The following TCAIM variants were observed in gnomAD, a reference collection of about 807,000 sequenced individuals.
The protein encoded by TCAIM is T-cell activation inhibitor, mitochondrial.
A neutral mutation model predicts 58.6 loss-of-function variants in TCAIM; 36 were observed. The observed-to-expected ratio is 0.61, with a 90% confidence interval of 0.47 to 0.81. The LOEUF is 0.81. TCAIM is among the 30% of genes least tolerant of loss of function. TCAIM has a pLI of 0.00. For synonymous variants in TCAIM, 172 were observed against 193.6 expected (o/e 0.89, Z 0.93); for missense variants, 466 against 579.6 (o/e 0.80, Z 2.01).
At chr3:44,373,228 C>A (rs556004113) in intron 5 of TCAIM, among the ~76,000 whole-genome samples, 2 of 152,054 alleles carry the variant, frequency 1.3e-5, no homozygotes, top group Non-Finnish European at 2.9e-5. Context: ...CATAAAAACT[C>A]TATTTAACCC....
At chr3:44,403,273 A>G (rs1469474603) in intron 10 of TCAIM, among the ~76,000 whole-genome samples, 3 of 152,212 alleles carry the variant, frequency 2.0e-5, no homozygotes, top group African/African-American at 7.2e-5. Context: ...CGTCTCAGAA[A>G]AATAAATAAA....
At position 44,407,872 on chromosome 3, in the gene TCAIM, A is replaced by G; in HGVS notation, c.*190A>G. On this transcript the variant is annotated 3_prime_UTR_variant, in exon 11 of 11. Coordinates refer to ENST00000342649, the MANE Select transcript of TCAIM (RefSeq NM_173826.4). ...TTTTATATGCCAGGCGTGGTGGCTCATGCCTGCGGTCCCAGCTACTTAGGG... is the reference window on the plus strand; with the variant it reads ...TTTTATATGCCAGGCGTGGTGGCTCGTGCCTGCGGTCCCAGCTACTTAGGG... The G allele has an allele frequency of 1.8e-6, 1 of 561,688 alleles. No homozygotes were observed. Among genetic ancestry groups the G allele is most frequent in the Non-Finnish European group, 2.8e-6 (1 of 352,532 alleles). 34.8% of individuals were successfully genotyped at this position (561,688 alleles called of 1,614,324 possible).
intron 2 of TCAIM, 99 bp downstream of exon 2, chr3:44,354,910 A>G (rs1701162515): frequency 1.4e-6 from 2 of 1,390,242 alleles, no homozygotes; most frequent in African/African-American, 1.5e-5. Context: ...CCAATTCTGA[A>G]GTTATATTAT....
chr3:44,371,285 T>C (rs1001400127), intron 5 of TCAIM, among the ~76,000 whole-genome samples: 5 of 152,022 alleles, frequency 3.3e-5, no homozygotes, highest in African/African-American at 1.2e-4. Flanking sequence ...CTCAAACTCC[T>C]GAGCTCAAGC....
intron 2 of TCAIM, 25 bp downstream of exon 2, chr3:44,354,836 A>AT (rs781413372): frequency 6.2e-7 from 1 of 1,606,966 alleles, no homozygotes; most frequent in East Asian, 2.2e-5. Flanking sequence ...CCAATCTGTA[A>AT]TTAGTATTGT....
chr3:44,342,116 T>C (rs1349594268), intron 1 of TCAIM, among the ~76,000 whole-genome samples: 1 of 152,208 alleles, frequency 6.6e-6, no homozygotes, highest in Non-Finnish European at 1.5e-5. Flanking sequence ...AATTTTTCTT[T>C]TTTATAAAAT....
At chr3:44,350,602 GT>G (rs1288307256) in intron 1 of TCAIM, among the ~76,000 whole-genome samples, 1 of 151,718 alleles carries the variant, frequency 6.6e-6, no homozygotes, top group African/African-American at 2.4e-5. Context: ...CTACTTTTTT[GT>G]TTTTTAGAGA....
chr3:44,339,199 C>G (rs899824764), intron 1 of TCAIM, among the ~76,000 whole-genome samples: 3 of 152,112 alleles, frequency 2.0e-5, no homozygotes, highest in African/African-American at 7.2e-5. Flanking sequence ...TTCCCCTACT[C>G]TAAGAAGTTC....
At chr3:44,371,631 G>T (rs936137725) in intron 5 of TCAIM, among the ~76,000 whole-genome samples, 3 of 152,054 alleles carry the variant, frequency 2.0e-5, no homozygotes, top group Non-Finnish European at 2.9e-5. Flanking sequence ...CATCTGAAAG[G>T]TTTCATATCT....
chr3:44,382,133 A>G (rs1382194500), intron 5 of TCAIM, among the ~76,000 whole-genome samples: 1 of 152,226 alleles, frequency 6.6e-6, no homozygotes, highest in Non-Finnish European at 1.5e-5. Flanking sequence ...TCCTAAAATT[A>G]GAATTTCAGG....
chr3:44,399,797 A>G (rs1267479432), intron 8 of TCAIM, among the ~76,000 whole-genome samples: 3 of 152,200 alleles, frequency 2.0e-5, no homozygotes, highest in Admixed American at 2.0e-4. Context: ...GGCATTTAGC[A>G]TGCTAAATTC....
rs1701293624 is a variant in TCAIM, at chr3:44,361,420, A to G, written c.221A>G (p.Lys74Arg). 1 of 1,613,304 alleles carries G rather than the reference A, an allele frequency of 6.2e-7. No individual in the cohort carries two copies. Residue 74 changes from lysine to arginine, a missense_variant, in exon 4 of 11, where the codon AAA becomes AGA. Physicochemically the swap from Lys to Arg is conservative, Grantham distance 26. Transcript: ENST00000342649. Reference protein sequence around the residue: ...RLSVYLENLQKPGFKSLKPTQ... With the variant: ...RLSVYLENLQRPGFKSLKPTQ... ...AGTGTCTACCTAGAAAACCTCCAGA[A>G]ACCAGGCTTCAAGTCTTTGAAACCA...
At chr3:44,341,972 T>G (rs1292679866) in intron 1 of TCAIM, among the ~76,000 whole-genome samples, 2 of 152,206 alleles carry the variant, frequency 1.3e-5, no homozygotes, top group African/African-American at 4.8e-5. Context: ...TGTCTGTGTC[T>G]TTCCACCATT....
At position 44,370,413 on chromosome 3, in the gene TCAIM, G is replaced by A. The variant is rs184779711; in HGVS notation, c.572+2705G>A. 4.1e-3 allele frequency among the ~76,000 whole-genome samples: 587 copies of A among 144,392 alleles called. 3 individuals carry two copies. The highest frequency in any genetic ancestry group is 0.014 in the African/African-American group (557 of 38,812). 94.7% of individuals were successfully genotyped at this position (144,392 alleles called of 152,430 possible). A position where few individuals can be genotyped will look rare whatever the true frequency, so the allele number is the denominator to read the frequency against. ...GGAGGTTGCAGTGAGCCAACATCAC[G>A]CCACTGCACTCCAGCCTGGGCAACA... On this transcript the variant is annotated intron_variant, in intron 5 of 10. Coordinates refer to ENST00000342649, the MANE Select transcript of TCAIM (RefSeq NM_173826.4).
chr3:44,401,486 T>A, intron 10 of TCAIM, 152 bp downstream of exon 10: 3 of 972,554 alleles, frequency 3.1e-6, no homozygotes, highest in Non-Finnish European at 4.3e-6. Context: ...CTTCCCTACC[T>A]AAATTATATT....
At chr3:44,401,395 T>C (rs1702020263) in intron 10 of TCAIM, 61 bp downstream of exon 10, 4 of 1,594,050 alleles carry the variant, frequency 2.5e-6, no homozygotes, top group Admixed American at 1.7e-5. Context: ...ACCTCAGATA[T>C]TTGGAACTCA....
At chr3:44,389,371 G>A (rs1157028179) in intron 5 of TCAIM, among the ~76,000 whole-genome samples, 1 of 152,166 alleles carries the variant, frequency 6.6e-6, no homozygotes, top group East Asian at 1.9e-4. Flanking sequence ...CACAAATATT[G>A]TTAAGCTAGA....
chr3:44,399,604 T>C (rs1303796142), intron 8 of TCAIM, among the ~76,000 whole-genome samples: 1 of 152,176 alleles, frequency 6.6e-6, no homozygotes, highest in East Asian at 1.9e-4. Context: ...AACTCCTTAT[T>C]GTTTCCAAAC....
intron 3 of TCAIM, chr3:44,358,982 T>C: frequency 1.0e-6 from 1 of 985,106 alleles, no homozygotes; most frequent in South Asian, 4.7e-5. Context: ...AACAGAAAAA[T>C]ATTCATTAAC....
Sources: allele counts gnomAD v4.1 joint callset (sites outside exome capture counted in the v4.1 genomes callset), GRCh38; gene constraint gnomAD v4.1.1; transcripts MANE v1.5; gene names NCBI Gene and HGNC (gene_info 2026-07-23, HGNC 2026-07-21).